Variants in NTSR2 observed in about 807,000 individuals in gnomAD.
NTSR2 encodes the protein neurotensin receptor type 2.
A neutral mutation model predicts 24.1 loss-of-function variants in NTSR2; 22 were observed. The ratio of observed to expected loss-of-function variants is 0.91; its 90% CI spans 0.65 to 1.30. The LOEUF (loss-of-function observed/expected upper bound fraction) is 1.30. NTSR2 is among the 50% of genes most tolerant of loss of function. NTSR2 has a pLI of 0.00. For synonymous variants in NTSR2, 291 were observed against 267.0 expected (o/e 1.09, Z -0.88); for missense variants, 570 against 570.4 (o/e 1.00, Z 0.01).
Position 11,669,953 on chromosome 2 carries a change from CT to C in NTSR2, c.176del (p.Lys59ArgfsTer66). The C allele has an allele frequency of 6.6e-7, 1 of 1,512,670 alleles. No individual in the cohort carries two copies. 93.7% of individuals were successfully genotyped at this position (1,512,670 alleles called of 1,614,324 possible). A position where few individuals can be genotyped will look rare whatever the true frequency, so the allele number is the denominator to read the frequency against. ...GNALSAHVVL[K>X]ARAGRAGRLR... ...GGCGCCCCGCGCGCCCGGCCCGCGC[CT>C]TCAGCACCACGTGCGCGGACAGCGC... On this transcript the variant is annotated frameshift_variant, in exon 1 of 4. Transcript: ENST00000306928. LOFTEE classifies it high-confidence loss of function.
At chr2:11,663,104 A>G (rs1007915381) in intron 1 of NTSR2, among the ~76,000 whole-genome samples, 1 of 152,270 alleles carries the variant, frequency 6.6e-6, no homozygotes, top group African/African-American at 2.4e-5. Flanking sequence ...CCATATTATG[A>G]CAAACATGAG....
In NTSR2 at chr2:11,662,053, GTCT is replaced by G. The variant is rs1661083868; in HGVS notation, c.809_811del (p.Lys270del). 6 of 1,613,682 alleles carry G rather than the reference GTCT, an allele frequency of 3.7e-6. No individual in the cohort carries two copies. Among genetic ancestry groups the G allele is most frequent in the South Asian group, 2.2e-5 (2 of 91,038 alleles). ...GCTGACCTGGCCTCCCTGGATAAAG[GTCT>G]TCTTCCATACGATGAAGCTGAGGAG... On this transcript the variant is annotated inframe_deletion, in exon 2 of 4. Transcript: ENST00000306928.
At chr2:11,663,065 T>C (rs993513868) in intron 1 of NTSR2, among the ~76,000 whole-genome samples, 5 of 152,136 alleles carry the variant, frequency 3.3e-5, no homozygotes, top group African/African-American at 1.2e-4. Context: ...GTGAGAAAAA[T>C]GGCTTCCATC....
In NTSR2 at chr2:11,662,076, G is replaced by A. The variant is rs531795886; in HGVS notation, c.789C>T (p.Leu263=). Residue 263 remains leucine (L), a synonymous_variant, in exon 2 of 4, where the codon CTC becomes CTT. Transcript: ENST00000306928. The part of the protein sequence containing the change: ...RLELLSEEGL[L]SFIVWKKTFI... ...AGGTCTTCTTCCATACGATGAAGCT[G>A]AGGAGACCCTCCTCACTCAGCAGCT... is the stretch of plus-strand genomic sequence containing the variant. 2 of 1,613,710 alleles carry A rather than the reference G, an allele frequency of 1.2e-6. No homozygotes were observed. The highest frequency in any genetic ancestry group is 4.5e-5 in the East Asian group (2 of 44,862).
At chr2:11,665,382 CATT>C (rs1335006862) in intron 1 of NTSR2, 1 of 151,490 alleles carries the variant, frequency 6.6e-6, no homozygotes, top group African/African-American at 2.5e-5. Context: ...TTCGTTCTGA[CATT>C]AGTAGTTCTG....
chr2:11,666,677 G>T (rs1019822143), intron 1 of NTSR2, among the ~76,000 whole-genome samples: 2 of 152,176 alleles, frequency 1.3e-5, no homozygotes, highest in Non-Finnish European at 1.5e-5. Flanking sequence ...CCAGCCTGGC[G>T]ACAGAGTGAG....
intron 1 of NTSR2, chr2:11,666,067 G>A (rs115527369): frequency 6.6e-6 from 1 of 152,320 alleles, no homozygotes; most frequent in Admixed American, 6.5e-5. Context: ...GCAACAGCAG[G>A]ACCTGAATCG....
At chr2:11,668,930 G>T (rs909117815) in intron 1 of NTSR2, among the ~76,000 whole-genome samples, 1 of 152,216 alleles carries the variant, frequency 6.6e-6, no homozygotes, top group Non-Finnish European at 1.5e-5. Context: ...ATGAGCTTTT[G>T]ACTTAAAAGC....
At position 11,662,041 on chromosome 2, in the gene NTSR2, C is replaced by T. The variant is rs146222583; in HGVS notation, c.824G>A (p.Gly275Glu). The T allele has an allele frequency of 1.6e-4, 262 of 1,613,602 alleles. No individual in the cohort carries two copies. The African/African-American group carries it at 2.8e-3, about 17-fold the overall frequency. The change falls in exon 2 of 4, where the codon GGA becomes GAA. Residue 275 changes from glycine to glutamate, a missense_variant. Coordinates refer to ENST00000306928, the MANE Select transcript of NTSR2 (RefSeq NM_012344.4). ...ATGTCTCACCAGGCTGACCTGGCCT[C>T]CCTGGATAAAGGTCTTCTTCCATAC... is the stretch of plus-strand genomic sequence containing the variant. ...FIVWKKTFIQ[G>E]GQVSLVRHKD...
At chr2:11,665,055 GTTTTTTTTTTTTTTT>G (rs34751276) in intron 1 of NTSR2, among the ~76,000 whole-genome samples, 28 of 106,680 alleles carry the variant, frequency 2.6e-4, no homozygotes, top group South Asian at 8.0e-4. Flanking sequence ...CTTTGGCACT[GTTTTTTTTTTTTTTT>G]TTTTTTTTTT....
At chr2:11,663,156 T>C (rs1205644466) in intron 1 of NTSR2, among the ~76,000 whole-genome samples, 2 of 152,216 alleles carry the variant, frequency 1.3e-5, no homozygotes, top group Non-Finnish European at 2.9e-5. Flanking sequence ...TCTCAATTTT[T>C]TTTTACCCTC....
intron 1 of NTSR2, among the ~76,000 whole-genome samples, chr2:11,669,199 T>C (rs1661266695): frequency 6.6e-6 from 1 of 152,166 alleles, no homozygotes; most frequent in Non-Finnish European, 1.5e-5. Flanking sequence ...GGGTGGGTCA[T>C]GGACTCCGGA....
intron 3 of NTSR2, among the ~76,000 whole-genome samples, chr2:11,659,676 G>T (rs920593182): frequency 7.9e-5 from 12 of 152,222 alleles, no homozygotes; most frequent in African/African-American, 2.9e-4. Flanking sequence ...AGCTCCTGGG[G>T]TCGCACCTTT....
chr2:11,669,459 C>CGGGGGGGGGGGGGGGCG lies in NTSR2; in HGVS notation c.624+46_624+47insCGCCCCCCCCCCCCCCC. 4 of 337,896 alleles carry CGGGGGGGGGGGGGGGCG rather than the reference C, an allele frequency of 1.2e-5. 1 individual carries two copies. Among genetic ancestry groups the CGGGGGGGGGGGGGGGCG allele is most frequent in the Non-Finnish European group, 2.1e-5 (4 of 189,620 alleles). 20.9% of individuals were successfully genotyped at this position (337,896 alleles called of 1,614,324 possible). A position where few individuals can be genotyped will look rare whatever the true frequency, so the allele number is the denominator to read the frequency against. On this transcript the variant is annotated intron_variant, in intron 1 of 3. Transcript: ENST00000306928. Reference sequence around the variant, plus strand: ...AGAGGGGGTTCCCTCCTCCCAGCACCGCCCCCCCACCCCCCCTCCCCCGAC... The same window carrying CGGGGGGGGGGGGGGGCG: ...AGAGGGGGTTCCCTCCTCCCAGCACCGGGGGGGGGGGGGGGCGGCCCCCCCACCCCCCCTCCCCCGAC...
chr2:11,669,571 G>A lies in NTSR2; in HGVS notation c.559C>T (p.Pro187Ser). The change falls in exon 1 of 4, where the codon CCG becomes TCG. Residue 187 changes from proline (P) to serine (S), a missense_variant. By Grantham distance (74) the Pro-to-Ser change is moderately conservative. Transcript: ENST00000306928. ...GTGCACACTCGCGAGGCGGGCTCCG[G>A]CTCCCCGTCCGCCGTCTCGAGTTCG... is the stretch of plus-strand genomic sequence containing the variant. Reference protein sequence around the residue: ...KHELETADGEPEPASRVCTVL... With the variant: ...KHELETADGESEPASRVCTVL... 3 of 1,570,970 alleles carry A rather than the reference G, an allele frequency of 1.9e-6. No homozygotes were observed. Among genetic ancestry groups the A allele is most frequent in the Non-Finnish European group, 2.6e-6 (3 of 1,166,480 alleles).
chr2:11,667,911 G>A (rs1661238637), intron 1 of NTSR2, among the ~76,000 whole-genome samples: 1 of 152,216 alleles, frequency 6.6e-6, no homozygotes, highest in Non-Finnish European at 1.5e-5. Flanking sequence ...CTGTCAGAAA[G>A]GAACTAGGGG....
Position 11,658,587 on chromosome 2 carries a change from G to C in NTSR2, c.1125C>G (p.Ser375=), listed in dbSNP as rs1201988723. 6.2e-7 allele frequency: 1 copy of C among 1,614,086 alleles called. No individual in the cohort carries two copies. The highest frequency in any genetic ancestry group is 2.2e-5 in the East Asian group (1 of 44,896). ...TCATGGGGTGGTGCTCTCCACACAGGGAGCTGACGGCTTCCAGGAAGAGTT... is the reference window on the plus strand; with the variant it reads ...TCATGGGGTGGTGCTCTCCACACAGCGAGCTGACGGCTTCCAGGAAGAGTT... The part of the protein sequence containing the change: ...FRKLFLEAVS[S]LCGEHHPMKR... Residue 375 remains serine (S), a synonymous_variant, in exon 4 of 4, where the codon TCC becomes TCG. Transcript: ENST00000306928.
intron 2 of NTSR2, among the ~76,000 whole-genome samples, chr2:11,660,776 T>G (rs757441043): frequency 2.6e-5 from 4 of 152,212 alleles, no homozygotes; most frequent in Non-Finnish European, 4.4e-5. Context: ...GTCTTTCTTG[T>G]CTTAGAAAGC....
intron 3 of NTSR2, among the ~76,000 whole-genome samples, chr2:11,659,310 C>T (rs1030541346): frequency 6.6e-6 from 1 of 152,180 alleles, no homozygotes; most frequent in African/African-American, 2.4e-5. Flanking sequence ...CCACTGAGGC[C>T]CCGGGTGCCC....
Sources: gnomAD v4.1 joint callset for allele counts (sites outside exome capture counted in the v4.1 genomes callset) on GRCh38, gnomAD v4.1.1 for gene constraint, MANE v1.5 for transcripts, NCBI Gene and HGNC (gene_info 2026-07-23, HGNC 2026-07-21) for gene names.